SNX29: variants seen among roughly 807,000 people sequenced by gnomAD.
SNX29 encodes sorting nexin-29.
A neutral mutation model predicts 102.1 loss-of-function variants in SNX29; 78 were observed. The ratio of observed to expected loss-of-function variants is 0.76; its 90% CI spans 0.64 to 0.92. SNX29 has a LOEUF of 0.92. Ranked by LOEUF, SNX29 falls within the 40% of genes least tolerant of loss-of-function variation. The pLI is 0.00. For missense variants in SNX29, 1,280 were observed against 1,061.7 expected (o/e 1.21, Z -2.86); for synonymous variants, 580 against 414.5 (o/e 1.40, Z -4.85).
intron 14 of SNX29, among the ~76,000 whole-genome samples, chr16:12,227,148 A>T (rs2077635261): frequency 9.5e-4 from 1 of 1,048 alleles, no homozygotes; most frequent in Non-Finnish European, 4.7e-3. Context: ...GGTCTGGCGG[A>T]TTGGGTGCTG....
chr16:12,009,366 G>C (rs959481605), intron 3 of SNX29, among the ~76,000 whole-genome samples: 1 of 151,916 alleles, frequency 6.6e-6, no homozygotes, highest in Non-Finnish European at 1.5e-5. Context: ...GGATGTGTGT[G>C]AGCATGTTTT....
Position 12,573,950 on chromosome 16 carries a change from G to C in SNX29, c.*5321G>C, listed in dbSNP as rs1322222041. On this transcript the variant is annotated 3_prime_UTR_variant, in exon 21 of 21. Transcript: ENST00000566228. ...GAGAAGCGAGTCTTTTTTGAATGGA[G>C]GAGCGATGGTAACCCCACTAGGGGG... 1.5e-5 allele frequency: 3 copies of C among 199,714 alleles called. No homozygotes were observed. Among genetic ancestry groups the C allele is most frequent in the Non-Finnish European group, 3.1e-5 (3 of 96,700 alleles). The allele number at this position is 199,714 out of a possible 1,614,324, so 12.4% of individuals were successfully genotyped here. A position where few individuals can be genotyped will look rare whatever the true frequency, so the allele number is the denominator to read the frequency against.
intron 9 of SNX29, 123 bp downstream of exon 9, chr16:12,061,769 G>A (rs1233183663): frequency 1.3e-6 from 1 of 786,518 alleles, no homozygotes; most frequent in Non-Finnish European, 2.1e-6. Flanking sequence ...TCGGGGTGTG[G>A]TTCAGGGCCA....
chr16:12,498,091 C>T (rs1044709971), intron 19 of SNX29, among the ~76,000 whole-genome samples: 2 of 152,180 alleles, frequency 1.3e-5, no homozygotes, highest in Admixed American at 1.3e-4. Context: ...ACTGAGGTGC[C>T]ACCAGAATTG....
At position 12,574,084 on chromosome 16, in the gene SNX29, A is replaced by T. The variant is rs969186321; in HGVS notation, c.*5455A>T. The T allele has an allele frequency of 2.1e-5, 4 of 190,770 alleles. No homozygotes were observed. Among genetic ancestry groups the T allele is most frequent in the African/African-American group, 7.0e-5 (3 of 42,972 alleles). 11.8% of individuals were successfully genotyped at this position (190,770 alleles called of 1,614,324 possible). ...TCTAGAAGTCTGTGGAAACGCCCTG[A>T]AACCTGTAGTATTATCTTAACTACC... is the stretch of plus-strand genomic sequence containing the variant. On this transcript the variant is annotated 3_prime_UTR_variant, in exon 21 of 21. Coordinates refer to ENST00000566228, the MANE Select transcript of SNX29 (RefSeq NM_032167.5).
intron 19 of SNX29, among the ~76,000 whole-genome samples, chr16:12,524,467 C>G (rs62030407): frequency 0.019 from 2,892 of 151,666 alleles, 36 homozygotes; most frequent in Non-Finnish European, 0.028. Context: ...TAGGAACACA[C>G]CAGATAGAGG....
intron 14 of SNX29, among the ~76,000 whole-genome samples, chr16:12,250,505 T>C (rs1388530615): frequency 6.6e-6 from 1 of 152,184 alleles, no homozygotes; most frequent in Non-Finnish European, 1.5e-5. Context: ...GGGAGCTTTT[T>C]CTGCAGGGCT....
chr16:12,547,321 A>T (rs868795218), intron 20 of SNX29, among the ~76,000 whole-genome samples: 3 of 152,218 alleles, frequency 2.0e-5, no homozygotes, highest in Admixed American at 6.5e-5. Flanking sequence ...GCCCAGGAAC[A>T]GAGAGGCCTT....
At chr16:12,319,896 T>C (rs1039248252) in intron 15 of SNX29, among the ~76,000 whole-genome samples, 20 of 152,128 alleles carry the variant, frequency 1.3e-4, no homozygotes, top group African/African-American at 4.6e-4. Flanking sequence ...GGCTCAGCCA[T>C]AATTAGTTCC....
At chr16:12,564,112 G>T (rs1030874412) in intron 20 of SNX29, among the ~76,000 whole-genome samples, 5 of 152,106 alleles carry the variant, frequency 3.3e-5, no homozygotes, top group African/African-American at 9.7e-5. Flanking sequence ...TCCTTGATTG[G>T]GTGTGGTGGA....
intron 12 of SNX29, among the ~76,000 whole-genome samples, chr16:12,128,663 G>C (rs1268614155): frequency 6.6e-6 from 1 of 152,074 alleles, no homozygotes; most frequent in East Asian, 1.9e-4. Context: ...ATGTTGGCCA[G>C]GCTGGTCTCA....
chr16:12,177,864 A>T (rs2076295135), intron 13 of SNX29, among the ~76,000 whole-genome samples: 1 of 152,140 alleles, frequency 6.6e-6, no homozygotes. Flanking sequence ...AATCAGATGA[A>T]ATTCCCCCTG....
intron 1 of SNX29, among the ~76,000 whole-genome samples, chr16:11,982,345 G>A (rs1051046378): frequency 6.6e-6 from 1 of 151,884 alleles, no homozygotes; most frequent in African/African-American, 2.4e-5. Context: ...AGAACTCGTA[G>A]AGCCAGAAAG....
intron 18 of SNX29, among the ~76,000 whole-genome samples, chr16:12,459,931 C>T (rs1001413871): frequency 5.9e-5 from 9 of 152,212 alleles, no homozygotes; most frequent in Middle Eastern, 3.2e-3. Context: ...GCGACACCAT[C>T]GGCCTAGCTC....
chr16:12,107,106 C>T (rs350247), intron 11 of SNX29, among the ~76,000 whole-genome samples: 40,183 of 152,136 alleles, frequency 0.26, 6,625 homozygotes, highest in East Asian at 0.48. Context: ...GTGCGGGCCA[C>T]GGCACATGGC....
chr16:12,570,756 G>T lies in SNX29; in HGVS notation c.*2127G>T. 4.5e-6 allele frequency: 1 copy of T among 224,190 alleles called. No homozygotes were observed. Among genetic ancestry groups the T allele is most frequent in the Non-Finnish European group, 8.6e-6 (1 of 115,936 alleles). 13.9% of individuals were successfully genotyped at this position (224,190 alleles called of 1,614,324 possible). A position where few individuals can be genotyped will look rare whatever the true frequency, so the allele number is the denominator to read the frequency against. On this transcript the variant is annotated 3_prime_UTR_variant, in exon 21 of 21. Transcript: ENST00000566228. ...AGATACCCCACGAGGAAGCACCTTG[G>T]ACATTCTGCACATGATAATAATGCA... is the stretch of plus-strand genomic sequence containing the variant.
At chr16:12,337,919 G>A (rs2081501059) in intron 15 of SNX29, among the ~76,000 whole-genome samples, 1 of 152,172 alleles carries the variant, frequency 6.6e-6, no homozygotes, top group Admixed American at 6.5e-5. Flanking sequence ...GCCGAGGAAC[G>A]GTCGGGTGAC....
chr16:12,555,619 A>C (rs949143019), intron 20 of SNX29, among the ~76,000 whole-genome samples: 1 of 151,412 alleles, frequency 6.6e-6, no homozygotes, highest in Admixed American at 6.6e-5. Flanking sequence ...TCCAGTGTGC[A>C]TGCCACACCT....
At chr16:12,196,838 C>G (rs1325915356) in intron 13 of SNX29, among the ~76,000 whole-genome samples, 1 of 152,128 alleles carries the variant, frequency 6.6e-6, no homozygotes, top group African/African-American at 2.4e-5. Flanking sequence ...CCAGGCTGAT[C>G]TCAAACTCTT....
Sources: gnomAD v4.1 joint callset for allele counts (sites outside exome capture counted in the v4.1 genomes callset) on GRCh38, gnomAD v4.1.1 for gene constraint, MANE v1.5 for transcripts, NCBI Gene and HGNC (gene_info 2026-07-23, HGNC 2026-07-21) for gene names.